Variants in KIF16B observed in about 807,000 individuals in gnomAD.
KIF16B encodes the protein kinesin-like protein KIF16B.
A neutral mutation model predicts 156.3 loss-of-function variants in KIF16B; 98 were observed. That is an observed-to-expected ratio of 0.63 (90% CI 0.53 to 0.74). KIF16B has a LOEUF of 0.74. KIF16B is among the 30% of genes least tolerant of loss of function. The pLI, the probability that KIF16B is intolerant of heterozygous loss-of-function variation, is 0.00. For missense variants in KIF16B, 1,421 were observed against 1,606.5 expected, an observed-to-expected ratio of 0.88 and a Z score of 1.97; for synonymous variants, 564 against 583.7, an observed-to-expected ratio of 0.97 and a Z score of 0.49.
intron 23 of KIF16B, among the ~76,000 whole-genome samples, chr20:16,338,762 T>C (rs1379921838): frequency 6.6e-6 from 1 of 152,178 alleles, no homozygotes; most frequent in African/African-American, 2.4e-5. Flanking sequence ...AAGTCACAAT[T>C]GCCACCATCA....
At chr20:16,413,889 C>A (rs2066021605) in intron 15 of KIF16B, among the ~76,000 whole-genome samples, 1 of 151,942 alleles carries the variant, frequency 6.6e-6, no homozygotes, top group Non-Finnish European at 1.5e-5. Context: ...AGAGGCTGAA[C>A]TGAGGTAGGG....
intron 24 of KIF16B, among the ~76,000 whole-genome samples, chr20:16,320,366 G>GA (rs56299002): frequency 2.5e-4 from 37 of 148,634 alleles, no homozygotes; most frequent in South Asian, 1.3e-3. Context: ...ATTCTAAAAT[G>GA]AAAAAAAAAA....
intron 1 of KIF16B, among the ~76,000 whole-genome samples, chr20:16,552,708 C>A (rs1330346149): frequency 6.6e-6 from 1 of 152,172 alleles, no homozygotes; most frequent in East Asian, 1.9e-4. Flanking sequence ...ATTATGACAC[C>A]AGCATATTAT....
At chr20:16,572,677 A>G (rs1354654982) in intron 1 of KIF16B, among the ~76,000 whole-genome samples, 1 of 152,238 alleles carries the variant, frequency 6.6e-6, no homozygotes, top group Non-Finnish European at 1.5e-5. Context: ...AAACACGTGT[A>G]AAGCGTCCCT....
intron 12 of KIF16B, among the ~76,000 whole-genome samples, chr20:16,474,338 G>A (rs768696138): frequency 7.2e-5 from 11 of 152,240 alleles, no homozygotes; most frequent in Non-Finnish European, 1.2e-4. Context: ...ATAGAATAAC[G>A]AATTTGTACA....
At chr20:16,332,098 C>T (rs2063958030) in intron 24 of KIF16B, among the ~76,000 whole-genome samples, 1 of 152,146 alleles carries the variant, frequency 6.6e-6, no homozygotes, top group Non-Finnish European at 1.5e-5. Flanking sequence ...TCTAGAATGA[C>T]AGGCTACTGT....
rs150904625 is a variant in KIF16B at position 16,545,352 on chromosome 20, G to A, written c.48-16912C>T. Among the ~76,000 whole-genome samples, 616 of 151,032 alleles carry A rather than the reference G, an allele frequency of 4.1e-3. 8 individuals are homozygous for A. The highest frequency in any genetic ancestry group is 0.014 in the African/African-American group (584 of 41,062). On this transcript the variant is annotated intron_variant, in intron 1 of 25. Transcript: ENST00000354981. ...TTAAGACCAGCCTGGCCAACATGGC[G>A]ACACCTCATCTCTATTTAAAAAAAA...
At chr20:16,523,219 C>T (rs1251595993) in intron 3 of KIF16B, among the ~76,000 whole-genome samples, 2 of 152,034 alleles carry the variant, frequency 1.3e-5, no homozygotes, top group South Asian at 2.1e-4. Context: ...AATGGGTATT[C>T]GAATAAGAAG....
intron 23 of KIF16B, among the ~76,000 whole-genome samples, chr20:16,347,179 A>G (rs1469520671): frequency 6.6e-6 from 1 of 152,172 alleles, no homozygotes; most frequent in East Asian, 1.9e-4. Context: ...TGGCACTGTG[A>G]CTCCGTTCTT....
chr20:16,508,144 T>C (rs761614097), intron 6 of KIF16B, 44 bp from the exon 7 acceptor site: 11 of 1,598,364 alleles, frequency 6.9e-6, no homozygotes, highest in Non-Finnish European at 8.6e-6. Context: ...CCCTAATATA[T>C]AGGAAATGGA....
At chr20:16,357,525 T>C (rs1235166501) in intron 22 of KIF16B, among the ~76,000 whole-genome samples, 1 of 152,170 alleles carries the variant, frequency 6.6e-6, no homozygotes, top group Non-Finnish European at 1.5e-5. Context: ...AATGAACACT[T>C]CACACATATG....
intron 3 of KIF16B, among the ~76,000 whole-genome samples, chr20:16,523,866 C>G (rs570713017): frequency 1.3e-5 from 2 of 151,884 alleles, no homozygotes; most frequent in Non-Finnish European, 2.9e-5. Context: ...GAACAGAGGC[C>G]GCAGAAATGA....
At chr20:16,537,035 T>G (rs1227114097) in intron 1 of KIF16B, among the ~76,000 whole-genome samples, 1 of 152,076 alleles carries the variant, frequency 6.6e-6, no homozygotes, top group East Asian at 1.9e-4. Context: ...CTGTCCCAGG[T>G]CAGGCTACCC....
intron 24 of KIF16B, among the ~76,000 whole-genome samples, chr20:16,316,601 G>A (rs1298423300): frequency 6.6e-6 from 1 of 152,176 alleles, no homozygotes; most frequent in Non-Finnish European, 1.5e-5. Context: ...CTGGAATGAA[G>A]AAGGTGGGGA....
At chr20:16,285,301 C>A (rs1016820485) in intron 25 of KIF16B, among the ~76,000 whole-genome samples, 3 of 152,136 alleles carry the variant, frequency 2.0e-5, no homozygotes, top group African/African-American at 7.2e-5. Context: ...ATGTGTAATA[C>A]TTTACTGACT....
At position 16,548,137 on chromosome 20, in the gene KIF16B, C is replaced by T. The variant is rs1315469026; in HGVS notation, c.48-19697G>A. Among the ~76,000 whole-genome samples the T allele has an allele frequency of 2.6e-5, 4 of 152,270 alleles. No individual in the cohort carries two copies. The East Asian group carries it at 7.7e-4, about 29-fold the overall frequency. On this transcript the variant is annotated intron_variant, in intron 1 of 25. Transcript: ENST00000354981. ...AACAAACTATGACACAGATCTGATC[C>T]CAACAGCCAGTTTCAGGTCTTCTAT...
At chr20:16,444,431 C>A (rs900600679) in intron 12 of KIF16B, among the ~76,000 whole-genome samples, 14 of 152,082 alleles carry the variant, frequency 9.2e-5, no homozygotes, top group Middle Eastern at 6.9e-3. Flanking sequence ...TATAAAATTC[C>A]AATTTCAATG....
At chr20:16,330,358 C>G (rs759238303) in intron 24 of KIF16B, among the ~76,000 whole-genome samples, 1 of 152,162 alleles carries the variant, frequency 6.6e-6, no homozygotes, top group East Asian at 1.9e-4. Context: ...GAAGGCTTAG[C>G]TGAATGATGG....
At chr20:16,481,339 G>A (rs73240202) in intron 12 of KIF16B, among the ~76,000 whole-genome samples, 2,993 of 152,264 alleles carry the variant, frequency 0.02, 103 homozygotes, top group African/African-American at 0.069. Flanking sequence ...GGGACTACAG[G>A]CGTATGCCAC....
Sources: allele counts gnomAD v4.1 joint callset (sites outside exome capture counted in the v4.1 genomes callset), GRCh38; gene constraint gnomAD v4.1.1; transcripts MANE v1.5; gene names NCBI Gene and HGNC (gene_info 2026-07-23, HGNC 2026-07-21).